AGBL3: variants seen among roughly 807,000 people sequenced by gnomAD.
The protein encoded by AGBL3 is AGBL carboxypeptidase 3.
Under a neutral mutation model 94.5 loss-of-function variants are expected in AGBL3, and 68 were observed. That is an observed-to-expected ratio of 0.72 (90% CI 0.59 to 0.88). The LOEUF is 0.88. Among genes scored for constraint, AGBL3 ranks in the 40% least tolerant of loss-of-function variants. AGBL3 has a pLI of 0.00. For synonymous variants in AGBL3, 354 were observed against 370.7 expected (o/e 0.95, Z 0.52); for missense variants, 934 against 1,103.8 (o/e 0.85, Z 2.18).
intron 1 of AGBL3, among the ~76,000 whole-genome samples, 174 bp downstream of exon 1, chr7:134,986,875 T>C (rs1482805090): frequency 6.6e-6 from 1 of 152,238 alleles, no homozygotes; most frequent in Non-Finnish European, 1.5e-5. Context: ...GGGACGCGGC[T>C]AAGCGTGGAC....
At chr7:135,096,169 CT>C (rs1479131692) in intron 15 of AGBL3, among the ~76,000 whole-genome samples, 1 of 150,182 alleles carries the variant, frequency 6.7e-6, no homozygotes, top group Non-Finnish European at 1.5e-5. Flanking sequence ...AAAAATTAAT[CT>C]TTGACTTTAC....
intron 4 of AGBL3, chr7:134,995,080 C>T (rs1328934333): frequency 2.0e-5 from 3 of 152,206 alleles, no homozygotes; most frequent in Non-Finnish European, 4.4e-5. Context: ...TTCCCCCAAG[C>T]CTTTCTTTTT....
intron 4 of AGBL3, among the ~76,000 whole-genome samples, chr7:135,000,102 G>A (rs151271047): frequency 9.9e-5 from 15 of 152,274 alleles, no homozygotes; most frequent in Non-Finnish European, 1.9e-4. Context: ...TGTATAAACC[G>A]TTTCCATTTA....
rs539286942 is a variant in AGBL3 at position 135,059,294 on chromosome 7, T to C, written c.1908+59T>C. The C allele has an allele frequency of 5.1e-5, 64 of 1,256,564 alleles. No individual in the cohort carries two copies. The African/African-American group carries it at 8.5e-4, about 17-fold the overall frequency. 77.8% of individuals were successfully genotyped at this position (1,256,564 alleles called of 1,614,324 possible). On this transcript the variant is annotated intron_variant, in intron 12 of 16. Coordinates refer to ENST00000436302, the MANE Select transcript of AGBL3 (RefSeq NM_178563.4). ...TGCTGTGTAGGTACTGTTCTTATTG[T>C]GACTAATAATCAGGCAAAAAAAATT...
At chr7:135,132,927 G>C (rs1003451577) in intron 16 of AGBL3, among the ~76,000 whole-genome samples, 3 of 152,088 alleles carry the variant, frequency 2.0e-5, no homozygotes, top group Admixed American at 2.0e-4. Context: ...AGAAGTTCTA[G>C]CCACTGCAAT....
chr7:135,068,111 C>G (rs1479579283), intron 12 of AGBL3, among the ~76,000 whole-genome samples: 1 of 151,066 alleles, frequency 6.6e-6, no homozygotes, highest in Non-Finnish European at 1.5e-5. Flanking sequence ...GTAGCCGATT[C>G]GATCAACTGG....
At chr7:134,996,665 C>A (rs958315646) in intron 4 of AGBL3, among the ~76,000 whole-genome samples, 4 of 152,086 alleles carry the variant, frequency 2.6e-5, no homozygotes, top group African/African-American at 9.7e-5. Context: ...TAACTGGTAC[C>A]TTATTAATGA....
intron 12 of AGBL3, among the ~76,000 whole-genome samples, chr7:135,074,893 A>G (rs1262549746): frequency 1.3e-5 from 2 of 152,224 alleles, no homozygotes; most frequent in Non-Finnish European, 2.9e-5. Context: ...TATGTGCCGT[A>G]TTTTGAGTAT....
intron 12 of AGBL3, among the ~76,000 whole-genome samples, chr7:135,059,939 T>C (rs1818680947): frequency 6.6e-6 from 1 of 152,224 alleles, no homozygotes. Flanking sequence ...CACTCATGGG[T>C]CTGCCGGTTG....
At chr7:135,080,744 GT>G (rs11409204) in intron 14 of AGBL3, among the ~76,000 whole-genome samples, 1,829 of 136,934 alleles carry the variant, frequency 0.013, 20 homozygotes, top group African/African-American at 0.028. Flanking sequence ...TAGCATCTCT[GT>G]TTTTTTTTTT....
chr7:134,998,159 A>G (rs1811239118), intron 4 of AGBL3, among the ~76,000 whole-genome samples: 1 of 152,224 alleles, frequency 6.6e-6, no homozygotes, highest in Admixed American at 6.5e-5. Flanking sequence ...AACCTGAAAA[A>G]TAAGAATCAA....
chr7:135,122,719 GACATCTCCA>G (rs377292885), intron 16 of AGBL3, among the ~76,000 whole-genome samples: 32 of 152,290 alleles, frequency 2.1e-4, no homozygotes, highest in African/African-American at 7.7e-4. Flanking sequence ...CTCCTTGAGT[GACATCTCCA>G]GGCCCAGGAG....
chr7:135,094,349 T>C, intron 15 of AGBL3: 2 of 456,504 alleles, frequency 4.4e-6, no homozygotes, highest in South Asian at 3.1e-5. Flanking sequence ...GACAGACGAA[T>C]CCAGGGAGTC....
intron 4 of AGBL3, among the ~76,000 whole-genome samples, chr7:135,004,960 T>A (rs1280802378): frequency 6.6e-6 from 1 of 151,686 alleles, no homozygotes; most frequent in Non-Finnish European, 1.5e-5. Context: ...TTGCTCTGTA[T>A]TAACTTCTTA....
intron 5 of AGBL3, among the ~76,000 whole-genome samples, chr7:135,024,705 G>C (rs912587480): frequency 6.6e-6 from 1 of 152,250 alleles, no homozygotes; most frequent in East Asian, 1.9e-4. Context: ...GAATCTTATC[G>C]AGATTCAGGA....
At chr7:135,068,512 G>C (rs1283491282) in intron 12 of AGBL3, among the ~76,000 whole-genome samples, 1 of 151,946 alleles carries the variant, frequency 6.6e-6, no homozygotes, top group African/African-American at 2.4e-5. Flanking sequence ...ACAAAGGGAA[G>C]CCCATCAGAC....
At chr7:135,073,127 A>AG (rs1820100279) in intron 12 of AGBL3, among the ~76,000 whole-genome samples, 1 of 152,062 alleles carries the variant, frequency 6.6e-6, no homozygotes, top group Non-Finnish European at 1.5e-5. Flanking sequence ...AATAGAGAAT[A>AG]GAAGGGTCAT....
At position 135,034,476 on chromosome 7, in the gene AGBL3, T is replaced by G; in HGVS notation, c.885T>G (p.Phe295Leu). 1.3e-6 allele frequency: 2 copies of G among 1,551,868 alleles called. No homozygotes were observed. Among genetic ancestry groups the G allele is most frequent in the Non-Finnish European group, 1.7e-6 (2 of 1,147,014 alleles). The change falls in exon 7 of 17, where the codon TTT (phenylalanine) becomes TTG (leucine). Residue 295 changes from phenylalanine (F) to leucine (L), a missense_variant. By Grantham distance (22) the Phe-to-Leu change is conservative. Around this residue, in one of 3 missense-constraint regions of AGBL3, gnomAD observed 488 missense variants for 563.6 expected, o/e 0.87. Coordinates refer to ENST00000436302, the MANE Select transcript of AGBL3 (RefSeq NM_178563.4). ...QFPHNKDTCY[F>L]AHCYPYTYTN... ...CACACAACAAAGATACCTGCTACTT[T>G]GCTCATTGCTATCCATACACTTACA...
intron 15 of AGBL3, among the ~76,000 whole-genome samples, chr7:135,108,934 G>C (rs866331537): frequency 3.3e-5 from 5 of 152,264 alleles, no homozygotes; most frequent in African/African-American, 1.2e-4. Flanking sequence ...CAGAGAACCA[G>C]TCTTCAAGCT....
Sources: gnomAD v4.1 joint callset for allele counts (sites outside exome capture counted in the v4.1 genomes callset) on GRCh38, gnomAD v4.1.1 for gene constraint, gnomAD v4.1.1 regional missense constraint, MANE v1.5 for transcripts, NCBI Gene and HGNC (gene_info 2026-07-23, HGNC 2026-07-21) for gene names.